B3GAT3: variants seen among roughly 807,000 people sequenced by gnomAD.
B3GAT3 encodes galactosylgalactosylxylosylprotein 3-beta-glucuronosyltransferase 3.
A neutral mutation model predicts 33.1 loss-of-function variants in B3GAT3; 19 were observed. That is an observed-to-expected ratio of 0.57 (90% CI 0.40 to 0.84). B3GAT3 has a LOEUF of 0.84. Ranked by LOEUF, B3GAT3 falls within the 40% of genes least tolerant of loss-of-function variation. The pLI is 0.00. For synonymous variants in B3GAT3, 167 were observed against 193.5 expected (o/e 0.86, Z 1.14); for missense variants, 344 against 441.5 (o/e 0.78, Z 1.98).
rs893669156 is a variant in B3GAT3 at position 62,617,353 on chromosome 11, G to A, written c.258-6C>T. 1 of 1,610,918 alleles carries A rather than the reference G, an allele frequency of 6.2e-7. No homozygotes were observed. Among genetic ancestry groups the A allele is most frequent in the African/African-American group, 1.3e-5 (1 of 74,938 alleles). ...GCTCTGCCTTCTGTACCAGCCTGCA[G>A]GGGAGAGATGCAGCACAAGGAAAAG... On this transcript the variant is annotated splice_region_variant and splice_polypyrimidine_tract_variant and intron_variant, in intron 2 of 4. Coordinates refer to ENST00000265471, the MANE Select transcript of B3GAT3 (RefSeq NM_012200.4).
At chr11:62,619,797 G>A (rs1031619002) in intron 2 of B3GAT3, among the ~76,000 whole-genome samples, 1 of 141,954 alleles carries the variant, frequency 7.0e-6, no homozygotes, top group Non-Finnish European at 1.5e-5. Context: ...GCCAGCCTCG[G>A]GCTCCCAAAG....
In B3GAT3 at chr11:62,615,689, G is replaced by C; in HGVS notation, c.*12C>G. ...TGCCTGAAAAGAGGTGGTAGTTGGG[G>C]TGGGGCCGCCATCACACCTCAATTG... is the stretch of plus-strand genomic sequence containing the variant. On this transcript the variant is annotated 3_prime_UTR_variant, in exon 5 of 5. Transcript: ENST00000265471. 1 of 1,612,308 alleles carries C rather than the reference G, an allele frequency of 6.2e-7. No homozygotes were observed. The highest frequency in any genetic ancestry group is 8.5e-7 in the Non-Finnish European group (1 of 1,179,658).
intron 2 of B3GAT3, among the ~76,000 whole-genome samples, chr11:62,618,945 T>G (rs1451930557): frequency 1.3e-5 from 2 of 150,896 alleles, no homozygotes; most frequent in Non-Finnish European, 2.9e-5. Flanking sequence ...ATCGTGCCAT[T>G]GCACTCCAGC....
At position 62,617,119 on chromosome 11, in the gene B3GAT3, G is replaced by A. The variant is rs753696345; in HGVS notation, c.486C>T (p.Asn162=). The change falls in exon 3 of 5, where the codon AAC becomes AAT. Residue 162 remains asparagine, a synonymous_variant. Transcript: ENST00000265471. ...WVHPRGVEQR[N]KALDWLRGRG... is the part of the protein sequence containing the mutation. ...TGCCCCGGAGCCAGTCCAGGGCCTT[G>A]TTCCGCTGCTCGACACCACGGGGAT... The A allele has an allele frequency of 5.0e-6, 8 of 1,613,994 alleles. No individual in the cohort carries two copies. Among genetic ancestry groups the A allele is most frequent in the African/African-American group, 1.3e-5 (1 of 75,022 alleles).
In B3GAT3 at chr11:62,616,674, C is replaced by T. The variant is rs151230659; in HGVS notation, c.741G>A (p.Arg247=). The T allele has an allele frequency of 4.1e-4, 660 of 1,614,132 alleles. No individual in the cohort carries two copies. Among genetic ancestry groups the T allele is most frequent in the Admixed American group, 6.8e-4 (41 of 60,004 alleles). ...VGFHTAWEPS[R]PFPVDMAGFA... ...ATCCAGCCATATCCACAGGGAAGGGCCTGCTGGGCTCCCATGCTGTGTGGA... is the reference window on the plus strand; with the variant it reads ...ATCCAGCCATATCCACAGGGAAGGGTCTGCTGGGCTCCCATGCTGTGTGGA... Residue 247 remains arginine (R), a synonymous_variant, in exon 4 of 5, where the codon AGG becomes AGA. Coordinates refer to ENST00000265471, the MANE Select transcript of B3GAT3 (RefSeq NM_012200.4).
At position 62,620,550 on chromosome 11, in the gene B3GAT3, G is replaced by A. The variant is rs1304773172; in HGVS notation, c.204C>T (p.Pro68=). 1 of 1,613,008 alleles carries A rather than the reference G, an allele frequency of 6.2e-7. No homozygotes were observed. Among genetic ancestry groups the A allele is most frequent in the African/African-American group, 1.3e-5 (1 of 75,012 alleles). Residue 68 remains proline, a synonymous_variant, in exon 2 of 5, where the codon CCC becomes CCT. Coordinates refer to ENST00000265471, the MANE Select transcript of B3GAT3 (RefSeq NM_012200.4). The part of the protein sequence containing the change: ...LRRPPPAPAQ[P]PEPEALPTIY... ...TAGTAGGCAGGGCCTCGGGTTCAGGGGGCTGGGCAGGGGCAGGGGGTGGCC... is the reference window on the plus strand; with the variant it reads ...TAGTAGGCAGGGCCTCGGGTTCAGGAGGCTGGGCAGGGGCAGGGGGTGGCC...
Position 62,620,543 on chromosome 11 carries a change from G to C in B3GAT3, c.211C>G (p.Pro71Ala), listed in dbSNP as rs772173955. Residue 71 changes from proline to alanine, a missense_variant, in exon 2 of 5, where the codon CCC (proline) becomes GCC (alanine). Physicochemically the swap from Pro to Ala is conservative, Grantham distance 27. Coordinates refer to ENST00000265471, the MANE Select transcript of B3GAT3 (RefSeq NM_012200.4). ...PPPAPAQPPE[P>A]EALPTIYVVT... is the part of the protein sequence containing the mutation. Reference sequence around the variant, plus strand: ...ACATAGATAGTAGGCAGGGCCTCGGGTTCAGGGGGCTGGGCAGGGGCAGGG... The same window carrying C: ...ACATAGATAGTAGGCAGGGCCTCGGCTTCAGGGGGCTGGGCAGGGGCAGGG... 5.6e-6 allele frequency: 9 copies of C among 1,612,952 alleles called. No individual in the cohort carries two copies. Among genetic ancestry groups the C allele is most frequent in the Non-Finnish European group, 7.6e-6 (9 of 1,179,884 alleles).
At position 62,616,727 on chromosome 11, in the gene B3GAT3, G is replaced by C. The variant is rs1943036588; in HGVS notation, c.688C>G (p.Gln230Glu). The C allele has an allele frequency of 6.2e-7, 1 of 1,613,922 alleles. No individual in the cohort carries two copies. The highest frequency in any genetic ancestry group is 8.5e-7 in the Non-Finnish European group (1 of 1,179,998). ...LVGGLRFEGPQVQDGRVVGFH... is the reference protein window; with the variant it reads ...LVGGLRFEGPEVQDGRVVGFH... ...CCCACTACCCGGCCGTCCTGTACCT[G>C]AGGGCCCTCGAATCGCAGGCCGCCC... is the stretch of plus-strand genomic sequence containing the variant. Residue 230 changes from glutamine (Q) to glutamate (E), a missense_variant, in exon 4 of 5, where the codon CAG becomes GAG. Coordinates refer to ENST00000265471, the MANE Select transcript of B3GAT3 (RefSeq NM_012200.4).
intron 2 of B3GAT3, among the ~76,000 whole-genome samples, chr11:62,618,221 G>T (rs1229480242): frequency 6.6e-6 from 1 of 150,486 alleles, no homozygotes; most frequent in Non-Finnish European, 1.5e-5. Flanking sequence ...AAGGGCACAG[G>T]CTTTGGGATC....
intron 2 of B3GAT3, 173 bp from the exon 3 acceptor site, chr11:62,617,520 GTTC>G: frequency 1.2e-6 from 1 of 841,442 alleles, no homozygotes; most frequent in Non-Finnish European, 1.9e-6. Context: ...CACCTGCCCT[GTTC>G]TTCTGGTCCA....
Position 62,617,180 on chromosome 11 carries a change from G to A in B3GAT3, c.425C>T (p.Ala142Val). The change falls in exon 3 of 5, where the codon GCC (alanine) becomes GTC (valine). Residue 142 changes from alanine to valine, a missense_variant. Transcript: ENST00000265471. ...FTHLVVLTPK[A>V]QRLREGEPGW... ...AGGCTCGCCCTCCCGAAGCCGCTGGGCTTTGGGCGTGAGGACCACCAGGTG... is the reference window on the plus strand; with the variant it reads ...AGGCTCGCCCTCCCGAAGCCGCTGGACTTTGGGCGTGAGGACCACCAGGTG... The A allele has an allele frequency of 6.2e-7, 1 of 1,613,998 alleles. No homozygotes were observed. Among genetic ancestry groups the A allele is most frequent in the Non-Finnish European group, 8.5e-7 (1 of 1,179,994 alleles).
At chr11:62,620,801 G>A (rs1453839781) in intron 1 of B3GAT3, 130 bp from the exon 2 acceptor site, 1 of 873,552 alleles carries the variant, frequency 1.1e-6, no homozygotes, top group Non-Finnish European at 1.8e-6. Context: ...GACTTCCCTA[G>A]TAGCCTTTTC....
chr11:62,617,347 C>G lies in B3GAT3; in HGVS notation c.258G>C (p.Arg86Ser), dbSNP rs779431476. The change falls in exon 3 of 5, where the codon AGG (arginine) becomes AGC (serine). Residue 86 changes from arginine (R) to serine (S), a missense_variant and splice_region_variant. Transcript: ENST00000265471. ...GTACCAGCTCTGCCTTCTGTACCAG[C>G]CTGCAGGGGAGAGATGCAGCACAAG... ...TIYVVTPTYA[R>S]LVQKAELVRL... is the part of the protein sequence containing the mutation. The G allele has an allele frequency of 4.3e-6, 7 of 1,611,734 alleles. No individual in the cohort carries two copies. The highest frequency in any genetic ancestry group is 5.9e-6 in the Non-Finnish European group (7 of 1,179,936).
chr11:62,621,978 G>C lies in B3GAT3; in HGVS notation c.-31C>G, dbSNP rs778796427. ...CGCCGCCGCCCGCGCCCGAGCAGGCGGGGTCTGCAGGGGACGAGGGGTTCC... is the reference window on the plus strand; with the variant it reads ...CGCCGCCGCCCGCGCCCGAGCAGGCCGGGTCTGCAGGGGACGAGGGGTTCC... On this transcript the variant is annotated 5_prime_UTR_variant, in exon 1 of 5. Coordinates refer to ENST00000265471, the MANE Select transcript of B3GAT3 (RefSeq NM_012200.4). 8 of 1,611,190 alleles carry C rather than the reference G, an allele frequency of 5.0e-6. No homozygotes were observed. The Admixed American group carries it at 1.2e-4, about 24-fold the overall frequency.
chr11:62,618,174 T>G, intron 2 of B3GAT3, among the ~76,000 whole-genome samples: 1 of 56,494 alleles, frequency 1.8e-5, no homozygotes. Context: ...CGAAACTCTG[T>G]CTCAAAAAAA....
intron 1 of B3GAT3, chr11:62,621,403 C>T: frequency 2.3e-6 from 1 of 442,626 alleles, no homozygotes; most frequent in Non-Finnish European, 4.5e-6. Context: ...GTAACTTTAG[C>T]TATGGTGGTC....
intron 2 of B3GAT3, among the ~76,000 whole-genome samples, chr11:62,617,795 T>C (rs1186448642): frequency 6.6e-6 from 1 of 151,054 alleles, no homozygotes; most frequent in Non-Finnish European, 1.5e-5. Flanking sequence ...GAGAATCGCT[T>C]GAACCTGGAA....
rs746404310 is a variant in B3GAT3 at position 62,617,398 on chromosome 11, G to A, written c.258-51C>T. 57 of 1,600,968 alleles carry A rather than the reference G, an allele frequency of 3.6e-5. 1 individual carries two copies. The highest frequency in any genetic ancestry group is 2.0e-4 in the East Asian group (9 of 44,872). Reference sequence around the variant, plus strand: ...GAAAAGGGGCAGGCACCATTTGCCTGCTCCAGCCAGGGCAGACAGCTTCTC... The same window carrying A: ...GAAAAGGGGCAGGCACCATTTGCCTACTCCAGCCAGGGCAGACAGCTTCTC... On this transcript the variant is annotated intron_variant, in intron 2 of 4. Transcript: ENST00000265471.
At chr11:62,621,835 G>T in intron 1 of B3GAT3, 31 bp downstream of exon 1, 3 of 1,495,542 alleles carry the variant, frequency 2.0e-6, no homozygotes, top group Non-Finnish European at 2.7e-6. Context: ...CCTCGGGCCA[G>T]CCCGCCGCAC....
Sources: allele counts gnomAD v4.1 joint callset (sites outside exome capture counted in the v4.1 genomes callset), GRCh38; gene constraint gnomAD v4.1.1; transcripts MANE v1.5; gene names NCBI Gene and HGNC (gene_info 2026-07-23, HGNC 2026-07-21).